Variants in ATP11A observed in about 807,000 individuals in gnomAD.
ATP11A encodes the protein ATPase phospholipid transporting 11A.
A neutral mutation model predicts 154.4 loss-of-function variants in ATP11A; 81 were observed. The observed-to-expected ratio is 0.52, with a 90% confidence interval of 0.44 to 0.63. The LOEUF (loss-of-function observed/expected upper bound fraction) is 0.63. Ranked by LOEUF, ATP11A falls within the 30% of genes least tolerant of loss-of-function variation. ATP11A has a pLI of 0.00. For synonymous variants in ATP11A, 623 were observed against 585.9 expected, an observed-to-expected ratio of 1.06 and a Z score of -0.91; for missense variants, 1,316 against 1,474.3, an observed-to-expected ratio of 0.89 and a Z score of 1.76.
chr13:112,765,830 CA>C (rs2077062651), intron 1 of ATP11A, among the ~76,000 whole-genome samples: 1 of 152,246 alleles, frequency 6.6e-6, no homozygotes, highest in Admixed American at 6.5e-5. Context: ...AGTAAACCAA[CA>C]ATACAAACGA....
intron 17 of ATP11A, among the ~76,000 whole-genome samples, chr13:112,842,771 C>A (rs1014037500): frequency 6.6e-6 from 1 of 152,256 alleles, no homozygotes; most frequent in African/African-American, 2.4e-5. Context: ...TCAGCACTTT[C>A]GTTTTCTGTT....
intron 2 of ATP11A, among the ~76,000 whole-genome samples, chr13:112,797,466 C>T (rs1346397975): frequency 6.6e-6 from 1 of 151,880 alleles, no homozygotes; most frequent in Non-Finnish European, 1.5e-5. Flanking sequence ...AAGGGTACAC[C>T]TAGACATATC....
At chr13:112,837,237 G>A (rs1292993242) in intron 16 of ATP11A, among the ~76,000 whole-genome samples, 1 of 152,188 alleles carries the variant, frequency 6.6e-6, no homozygotes, top group Admixed American at 6.5e-5. Context: ...GTCCTCAAGT[G>A]TCCCCAGAGG....
intron 2 of ATP11A, among the ~76,000 whole-genome samples, chr13:112,792,012 C>T (rs1361305672): frequency 6.6e-6 from 1 of 152,202 alleles, no homozygotes; most frequent in Non-Finnish European, 1.5e-5. Flanking sequence ...CCTTTCATCT[C>T]AACCTCTGAG....
chr13:112,863,528 GCA>G, intron 25 of ATP11A, among the ~76,000 whole-genome samples: 1 of 150,136 alleles, frequency 6.7e-6, no homozygotes, highest in African/African-American at 2.5e-5. Flanking sequence ...CAATAATTCA[GCA>G]TAGCACGTGC....
At chr13:112,845,229 CG>C (rs59531843) in intron 17 of ATP11A, among the ~76,000 whole-genome samples, 16,104 of 98,998 alleles carry the variant, frequency 0.16, 1,819 homozygotes, top group African/African-American at 0.26. Context: ...GTCCAGTTGC[CG>C]GGCACTAGCA....
intron 17 of ATP11A, among the ~76,000 whole-genome samples, chr13:112,847,506 G>C (rs372059539): frequency 1.3e-5 from 2 of 152,276 alleles, no homozygotes. Flanking sequence ...GCACCATTTG[G>C]TGAAGACTCT....
Position 112,826,698 on chromosome 13 carries a change from T to G in ATP11A, c.1028T>G (p.Leu343Arg). ...TESERQRNLFLKAFTDFLAFM... is the reference protein window; with the variant it reads ...TESERQRNLFRKAFTDFLAFM... ...CCGCACCTTCTGCTCTTGCAGTTCCTCAAGGCATTCACGGACTTCCTGGCC... is the reference window on the plus strand; with the variant it reads ...CCGCACCTTCTGCTCTTGCAGTTCCGCAAGGCATTCACGGACTTCCTGGCC... The change falls in exon 12 of 30, where the codon CTC (leucine) becomes CGC (arginine). Residue 343 changes from leucine to arginine, a missense_variant. By Grantham distance (102) the Leu-to-Arg change is moderately radical. Coordinates refer to ENST00000375645, the MANE Select transcript of ATP11A (RefSeq NM_015205.3). 6.2e-7 allele frequency: 1 copy of G among 1,614,168 alleles called. No homozygotes were observed. Among genetic ancestry groups the G allele is most frequent in the Admixed American group, 1.7e-5 (1 of 60,032 alleles).
At chr13:112,827,715 A>G (rs2078969327) in intron 12 of ATP11A, among the ~76,000 whole-genome samples, 1 of 152,268 alleles carries the variant, frequency 6.6e-6, no homozygotes, top group East Asian at 1.9e-4. Context: ...AGGCCACTTT[A>G]GACAGGTAGC....
At chr13:112,757,435 T>C (rs74578750) in intron 1 of ATP11A, among the ~76,000 whole-genome samples, 2,122 of 152,390 alleles carry the variant, frequency 0.014, 46 homozygotes, top group African/African-American at 0.04. Flanking sequence ...TGTTAATTAC[T>C]GTCACAGGTA....
At chr13:112,837,200 G>A (rs769518467) in intron 16 of ATP11A, among the ~76,000 whole-genome samples, 8 of 152,168 alleles carry the variant, frequency 5.3e-5, no homozygotes, top group Admixed American at 2.6e-4. Flanking sequence ...CCCCTCTGAG[G>A]CTCTCACTCA....
chr13:112,880,441 G>A (rs935570371), intron 29 of ATP11A: 36 of 1,013,028 alleles, frequency 3.6e-5, no homozygotes, highest in African/African-American at 6.8e-5. Context: ...CAGGGGCTTC[G>A]AGCCTCTTCC....
At position 112,838,250 on chromosome 13, in the gene ATP11A, T is replaced by G. The variant is rs185060574; in HGVS notation, c.1705+1999T>G. Among the ~76,000 whole-genome samples the G allele has an allele frequency of 6.8e-4, 104 of 152,078 alleles. No homozygotes were observed. Among genetic ancestry groups the G allele is most frequent in the African/African-American group, 2.3e-3 (96 of 41,490 alleles). The stretch of plus-strand genomic sequence containing the variant: ...TCCTGAGAGTCTCAGCCACTCGGAG[T>G]TATCTGGGATAAACGCATCCTGGGT... On this transcript the variant is annotated intron_variant, in intron 16 of 29. Coordinates refer to ENST00000375645, the MANE Select transcript of ATP11A (RefSeq NM_015205.3). The surrounding 1 kb of genome is among the most constrained non-coding windows in gnomAD (Gnocchi z 7.3).
intron 1 of ATP11A, among the ~76,000 whole-genome samples, chr13:112,763,722 G>A (rs768191152): frequency 6.6e-6 from 1 of 152,078 alleles, no homozygotes; most frequent in African/African-American, 2.4e-5. Flanking sequence ...TCAACTCTTC[G>A]TGCCGAGCTT....
chr13:112,717,974 G>A (rs1888673382), intron 1 of ATP11A, among the ~76,000 whole-genome samples: 1 of 152,196 alleles, frequency 6.6e-6, no homozygotes, highest in Non-Finnish European at 1.5e-5. Flanking sequence ...CTACTCGGGA[G>A]CCGAGTCAGG....
chr13:112,775,548 A>C (rs945003990), intron 1 of ATP11A, among the ~76,000 whole-genome samples: 3 of 152,268 alleles, frequency 2.0e-5, no homozygotes, highest in African/African-American at 4.8e-5. Flanking sequence ...AAAAAGAAGG[A>C]GGCGAATACT....
intron 8 of ATP11A, among the ~76,000 whole-genome samples, chr13:112,820,877 A>G (rs1176174424): frequency 6.6e-6 from 1 of 152,204 alleles, no homozygotes; most frequent in African/African-American, 2.4e-5. Context: ...AAACACACTC[A>G]CTGGGAAACT....
At position 112,862,491 on chromosome 13, in the gene ATP11A, G is replaced by T. The variant is rs201641974; in HGVS notation, c.2907G>T (p.Thr969=). 4 of 1,614,136 alleles carry T rather than the reference G, an allele frequency of 2.5e-6. No individual in the cohort carries two copies. The highest frequency in any genetic ancestry group is 3.4e-6 in the Non-Finnish European group (4 of 1,179,994). The part of the protein sequence containing the change: ...LLRWRVFIYW[T]LLGLFDALVF... ...GCTGGCGCGTGTTCATCTACTGGAC[G>T]CTCCTGGGACTGTTTGACGCACTGG... Residue 969 remains threonine (T), a synonymous_variant, in exon 25 of 30, where the codon ACG becomes ACT. Transcript: ENST00000375645.
chr13:112,796,418 G>C (rs1182706773), intron 2 of ATP11A, among the ~76,000 whole-genome samples: 1 of 152,224 alleles, frequency 6.6e-6, no homozygotes, highest in Non-Finnish European at 1.5e-5. Flanking sequence ...AGTAACCACA[G>C]AGGCACTTGT....
Sources: allele counts gnomAD v4.1 joint callset (sites outside exome capture counted in the v4.1 genomes callset), GRCh38; gene constraint gnomAD v4.1.1; non-coding constraint Gnocchi (gnomAD v3.1); transcripts MANE v1.5; gene names NCBI Gene and HGNC (gene_info 2026-07-23, HGNC 2026-07-21).